The following LRRC4C variants were observed in gnomAD, a reference collection of about 807,000 sequenced individuals.
LRRC4C encodes the protein leucine-rich repeat-containing protein 4C.
A neutral mutation model predicts 33.6 loss-of-function variants in LRRC4C; 5 were observed. That is an observed-to-expected ratio of 0.15 (90% CI 0.08 to 0.31). LRRC4C has a LOEUF of 0.31. Ranked by LOEUF, LRRC4C falls within the 10% of genes least tolerant of loss-of-function variation. LRRC4C has a pLI of 1.00. For synonymous variants in LRRC4C, 329 were observed against 302.0 expected, an observed-to-expected ratio of 1.09 and a Z score of -0.93; for missense variants, 560 against 796.7, an observed-to-expected ratio of 0.70 and a Z score of 3.58.
chr11:41,232,974 T>C (rs1328688342), intron 1 of LRRC4C, among the ~76,000 whole-genome samples: 3 of 152,088 alleles, frequency 2.0e-5, no homozygotes, highest in Admixed American at 2.0e-4. Context: ...CATTTAACCT[T>C]AAGGAAATAT....
At position 40,828,112 on chromosome 11, in the gene LRRC4C, C is replaced by T. The variant is rs148097225; in HGVS notation, c.-407+105523G>A. On this transcript the variant is annotated intron_variant, in intron 2 of 6. Coordinates refer to ENST00000528697, the MANE Select transcript of LRRC4C (RefSeq NM_001258419.2). ...GAGCTAAAATTATACTTGAACAAAA[C>T]GATATGTATACTGCCCTTTATTTTG... Among the ~76,000 whole-genome samples the T allele has an allele frequency of 1.5e-3, 231 of 150,102 alleles. 2 individuals are homozygous for T. The highest frequency in any genetic ancestry group is 5.5e-3 in the African/African-American group (224 of 41,058).
At chr11:40,963,384 C>T (rs1851104150) in intron 1 of LRRC4C, among the ~76,000 whole-genome samples, 1 of 151,698 alleles carries the variant, frequency 6.6e-6, no homozygotes, top group South Asian at 2.1e-4. Flanking sequence ...TAAGTCTCAT[C>T]AATGGTATAT....
At chr11:40,456,293 A>C (rs1202372994) in intron 3 of LRRC4C, among the ~76,000 whole-genome samples, 1 of 152,180 alleles carries the variant, frequency 6.6e-6, no homozygotes, top group Admixed American at 6.6e-5. Context: ...ATATTGTAGC[A>C]ATTTATTAAA....
intron 2 of LRRC4C, among the ~76,000 whole-genome samples, chr11:40,732,206 C>G (rs1947622193): frequency 6.6e-6 from 1 of 151,962 alleles, no homozygotes; most frequent in Non-Finnish European, 1.5e-5. Flanking sequence ...CAACCATTAT[C>G]AGAAAAAAAA....
At chr11:40,872,808 T>C (rs1181685666) in intron 2 of LRRC4C, among the ~76,000 whole-genome samples, 1 of 152,178 alleles carries the variant, frequency 6.6e-6, no homozygotes, top group Non-Finnish European at 1.5e-5. Flanking sequence ...AAAATAAATT[T>C]ACTTCACAGA....
intron 1 of LRRC4C, among the ~76,000 whole-genome samples, chr11:41,315,748 T>C (rs1282536296): frequency 6.6e-6 from 1 of 152,218 alleles, no homozygotes; most frequent in Non-Finnish European, 1.5e-5. Context: ...ATAAGTTTGT[T>C]AATCAGAAAG....
intron 2 of LRRC4C, among the ~76,000 whole-genome samples, chr11:40,779,571 TAAAAGACAGTTC>T: frequency 6.6e-6 from 1 of 152,310 alleles, no homozygotes; most frequent in African/African-American, 2.4e-5. Context: ...TATAGCTAAT[TAAAAGACAGTTC>T]AAATATTTCT....
intron 1 of LRRC4C, among the ~76,000 whole-genome samples, chr11:41,363,601 G>T (rs72896522): frequency 6.6e-6 from 1 of 152,026 alleles, no homozygotes; most frequent in African/African-American, 2.4e-5. Context: ...ATCAGCTCCC[G>T]TCAGACTATG....
intron 6 of LRRC4C, among the ~76,000 whole-genome samples, chr11:40,138,902 A>G (rs1857167278): frequency 6.6e-6 from 1 of 152,208 alleles, no homozygotes; most frequent in South Asian, 2.1e-4. Flanking sequence ...CACAGAATAC[A>G]AACTTTCAAG....
Position 40,302,120 on chromosome 11 carries a change from T to C in LRRC4C, c.-176+17508A>G, listed in dbSNP as rs576491035. Among the ~76,000 whole-genome samples, 3 of 152,316 alleles carry C rather than the reference T, an allele frequency of 2.0e-5. No homozygotes were observed. In the South Asian group the frequency reaches 6.2e-4, roughly 32 times the overall value. ...GCAATAAGAGATAAAATAAATATGC[T>C]TGTGGCTAATAAAGACTGTGAGGTA... On this transcript the variant is annotated intron_variant, in intron 4 of 6. Coordinates refer to ENST00000528697, the MANE Select transcript of LRRC4C (RefSeq NM_001258419.2).
chr11:41,407,892 T>A (rs1461962900), intron 1 of LRRC4C, among the ~76,000 whole-genome samples: 1 of 152,116 alleles, frequency 6.6e-6, no homozygotes, highest in Non-Finnish European at 1.5e-5. Flanking sequence ...TCAAAACACA[T>A]TTTCTCTGGA....
chr11:40,277,786 TA>T lies in LRRC4C; in HGVS notation c.-175-36189del, dbSNP rs1943217654. On this transcript the variant is annotated intron_variant, in intron 4 of 6. Coordinates refer to ENST00000528697, the MANE Select transcript of LRRC4C (RefSeq NM_001258419.2). ...TGCGGATTCAATGTCTTTACAAAGG[TA>T]AAACCTTTAGAGGGTGCCTACTCAC... 2.0e-5 allele frequency among the ~76,000 whole-genome samples: 3 copies of T among 152,140 alleles called. No individual in the cohort carries two copies. In the South Asian group the frequency reaches 6.2e-4, roughly 32 times the overall value.
At chr11:40,130,719 C>T (rs1296110208) in intron 6 of LRRC4C, among the ~76,000 whole-genome samples, 1 of 152,200 alleles carries the variant, frequency 6.6e-6, no homozygotes, top group Non-Finnish European at 1.5e-5. Flanking sequence ...ATGTAAGCCC[C>T]TCCATAGTGC....
At chr11:41,208,951 C>A (rs1946708438) in intron 1 of LRRC4C, among the ~76,000 whole-genome samples, 1 of 152,014 alleles carries the variant, frequency 6.6e-6, no homozygotes, top group Non-Finnish European at 1.5e-5. Context: ...GCTGCTGCAA[C>A]CCCCGTGGGT....
chr11:40,433,636 A>G (rs773438467), intron 3 of LRRC4C, among the ~76,000 whole-genome samples: 6 of 152,228 alleles, frequency 3.9e-5, no homozygotes, highest in Non-Finnish European at 5.9e-5. Context: ...CAGCAGATAT[A>G]CTGCAGGAGA....
At chr11:40,768,764 A>T (rs12296057) in intron 2 of LRRC4C, among the ~76,000 whole-genome samples, 7,618 of 152,228 alleles carry the variant, frequency 0.05, 258 homozygotes, top group African/African-American at 0.09. Flanking sequence ...TGATGCTAAA[A>T]AATCAGTTGG....
chr11:41,189,261 T>C (rs1325076870), intron 1 of LRRC4C, among the ~76,000 whole-genome samples: 1 of 152,046 alleles, frequency 6.6e-6, no homozygotes, highest in Non-Finnish European at 1.5e-5. Context: ...GAAGATGCTG[T>C]GATAGGTTAG....
At chr11:41,054,117 CTG>C (rs1042169003) in intron 1 of LRRC4C, among the ~76,000 whole-genome samples, 4 of 152,180 alleles carry the variant, frequency 2.6e-5, no homozygotes, top group African/African-American at 7.2e-5. Flanking sequence ...CTAAATCAAA[CTG>C]TGTCTTATGT....
At chr11:40,152,800 C>T (rs561270921) in intron 5 of LRRC4C, among the ~76,000 whole-genome samples, 4 of 152,224 alleles carry the variant, frequency 2.6e-5, no homozygotes, top group East Asian at 3.9e-4. Flanking sequence ...GCCCAAGGAG[C>T]GTCTGAGCTC....
Sources: gnomAD v4.1 joint callset for allele counts (sites outside exome capture counted in the v4.1 genomes callset) on GRCh38, gnomAD v4.1.1 for gene constraint, MANE v1.5 for transcripts, NCBI Gene and HGNC (gene_info 2026-07-23, HGNC 2026-07-21) for gene names.